The following MRPL3 variants were observed in gnomAD, a reference collection of about 807,000 sequenced individuals.
MRPL3 encodes large ribosomal subunit protein uL3m.
In MRPL3, 43 loss-of-function variants were observed where a neutral mutation model predicts 44.3. The observed-to-expected ratio is 0.97, with a 90% CI of 0.76 to 1.25. MRPL3 has a LOEUF of 1.25. Ranked by LOEUF, MRPL3 falls within the 50% of genes most tolerant of loss-of-function variation. The probability of loss-of-function intolerance (pLI) is 0.00; values close to 1 mark genes in which losing one functional copy is unlikely to be tolerated. For missense variants in MRPL3, 406 were observed against 427.6 expected (o/e 0.95, Z 0.45); for synonymous variants, 171 against 152.3 (o/e 1.12, Z -0.91).
chr3:131,489,783 T>A (rs1441675583), intron 5 of MRPL3, among the ~76,000 whole-genome samples, 198 bp downstream of exon 5: 3 of 149,024 alleles, frequency 2.0e-5, no homozygotes, highest in Non-Finnish European at 1.5e-5. Flanking sequence ...TGTTCCTCCC[T>A]CTCTCACAGA....
chr3:131,467,059 A>G (rs1273838987), intron 9 of MRPL3, among the ~76,000 whole-genome samples: 1 of 152,064 alleles, frequency 6.6e-6, no homozygotes, highest in African/African-American at 2.4e-5. Context: ...CAACTTTTAG[A>G]TTCTACATAA....
intron 6 of MRPL3, among the ~76,000 whole-genome samples, chr3:131,472,862 G>A (rs1933770506): frequency 6.6e-6 from 1 of 151,960 alleles, no homozygotes; most frequent in South Asian, 2.1e-4. Flanking sequence ...CTTAATAATG[G>A]AAGTGAAAGA....
At chr3:131,476,375 G>A (rs1379758770) in intron 6 of MRPL3, among the ~76,000 whole-genome samples, 1 of 151,990 alleles carries the variant, frequency 6.6e-6, no homozygotes, top group Non-Finnish European at 1.5e-5. Flanking sequence ...CTCAACTTGA[G>A]AACAAAAATA....
At chr3:131,502,619 C>T (rs1162410389) in intron 1 of MRPL3, 111 bp downstream of exon 1, 3 of 813,964 alleles carry the variant, frequency 3.7e-6, no homozygotes, top group Admixed American at 2.8e-5. Flanking sequence ...CTGTGTCCCA[C>T]GTCTCAACAG....
intron 6 of MRPL3, among the ~76,000 whole-genome samples, chr3:131,475,082 T>A (rs1353919890): frequency 4.6e-5 from 7 of 152,166 alleles, no homozygotes; most frequent in Admixed American, 3.3e-4. Flanking sequence ...ATGCCAGGCA[T>A]GTGACATATT....
intron 9 of MRPL3, among the ~76,000 whole-genome samples, chr3:131,466,119 A>C (rs193020408): frequency 6.6e-6 from 1 of 152,202 alleles, no homozygotes; most frequent in East Asian, 1.9e-4. Flanking sequence ...CAGTAAGTGA[A>C]GTGTCTCAGA....
intron 7 of MRPL3, 151 bp from the exon 8 acceptor site, chr3:131,469,924 T>C (rs545085129): frequency 2.2e-5 from 12 of 549,966 alleles, no homozygotes; most frequent in Non-Finnish European, 3.5e-5. Context: ...TAAATATGGA[T>C]TTAGGCATAT....
chr3:131,489,901 G>A, intron 5 of MRPL3, 80 bp downstream of exon 5: 1 of 791,500 alleles, frequency 1.3e-6, no homozygotes, highest in Non-Finnish European at 2.1e-6. Context: ...TTTAGATGTA[G>A]CTTTATTGAA....
chr3:131,487,419 G>A (rs1033704437), intron 6 of MRPL3: 5 of 333,284 alleles, frequency 1.5e-5, no homozygotes, highest in Non-Finnish European at 2.8e-5. Flanking sequence ...TGCACGTTGT[G>A]CACATGTACC....
At position 131,502,741 on chromosome 3, in the gene MRPL3, G is replaced by T. The variant is rs777785178; in HGVS notation, c.81C>A (p.Gly27=). Residue 27 remains glycine (G), a synonymous_variant, in exon 1 of 10, where the codon GGC becomes GGA. Transcript: ENST00000264995. ...RLGDGLGAAL[G]PGNRTHIWLF... ...TCACACCTTCCTACCTGTTCCCCGGGCCCAGGGCAGCACCCAGGCCGTCCC... is the reference window on the plus strand; with the variant it reads ...TCACACCTTCCTACCTGTTCCCCGGTCCCAGGGCAGCACCCAGGCCGTCCC... 14 of 1,610,268 alleles carry T rather than the reference G, an allele frequency of 8.7e-6. No individual in the cohort carries two copies. Among genetic ancestry groups the T allele is most frequent in the Non-Finnish European group, 1.2e-5 (14 of 1,177,938 alleles).
In MRPL3 at chr3:131,468,078, C is replaced by T; in HGVS notation, c.894+13G>A. 2 of 1,392,538 alleles carry T rather than the reference C, an allele frequency of 1.4e-6. No homozygotes were observed. Among genetic ancestry groups the T allele is most frequent in the Non-Finnish European group, 2.0e-6 (2 of 1,022,800 alleles). The allele number at this position is 1,392,538 out of a possible 1,614,324, so 86.3% of individuals were successfully genotyped here. ...AAAAAAAAAGGAAAAAAAAAGAAGA[C>T]ACTTATACTTACCTTTACTAAGCAA... On this transcript the variant is annotated intron_variant, in intron 9 of 9. Coordinates refer to ENST00000264995, the MANE Select transcript of MRPL3 (RefSeq NM_007208.4).
At chr3:131,465,543 T>C (rs76020673) in intron 9 of MRPL3, among the ~76,000 whole-genome samples, 67 of 152,280 alleles carry the variant, frequency 4.4e-4, no homozygotes, top group African/African-American at 9.9e-4. Context: ...CCTAGAATCA[T>C]GTATGTAGAA....
intron 5 of MRPL3, among the ~76,000 whole-genome samples, chr3:131,488,194 A>G (rs2110709252): frequency 6.6e-6 from 1 of 152,294 alleles, no homozygotes; most frequent in African/African-American, 2.4e-5. Flanking sequence ...TGATCATGGT[A>G]TGTATGACAT....
chr3:131,471,125 A>C, intron 7 of MRPL3, 46 bp downstream of exon 7: 1 of 1,324,604 alleles, frequency 7.5e-7, no homozygotes, highest in Non-Finnish European at 1.1e-6. Context: ...ACATGTGCAG[A>C]AGTTGAATAT....
chr3:131,471,454 T>G, intron 6 of MRPL3, 175 bp from the exon 7 acceptor site: 8 of 563,952 alleles, frequency 1.4e-5, no homozygotes, highest in East Asian at 5.9e-5. Flanking sequence ...CCTTTATCTC[T>G]GTCTTGGTCT....
intron 2 of MRPL3, among the ~76,000 whole-genome samples, chr3:131,501,277 G>C (rs78741858): frequency 2.1e-3 from 326 of 152,250 alleles, no homozygotes; most frequent in Non-Finnish European, 3.9e-3. Context: ...GTAAACAAGA[G>C]AATCTATGCA....
rs4854897 is a variant in MRPL3, at chr3:131,498,474, G to A, written c.370-197C>T. Among the ~76,000 whole-genome samples the A allele has an allele frequency of 0.55, 83,699 of 150,888 alleles. 24,636 individuals carry two copies. The highest frequency in any genetic ancestry group is 0.74 in the Middle Eastern group (213 of 288). ...AATACACACTTTGGGAGGCCGAGGCGGGCAGCTCATGAAGTCAGGAGATCG... is the reference window on the plus strand; with the variant it reads ...AATACACACTTTGGGAGGCCGAGGCAGGCAGCTCATGAAGTCAGGAGATCG... On this transcript the variant is annotated intron_variant, in intron 3 of 9. Transcript: ENST00000264995.
rs575828668 is a variant in MRPL3, at chr3:131,466,495, C to A, written c.894+1596G>T. ...TTTTATTAAAATGTATCTGAGCTAT[C>A]GGTACAAATTTTTTACTTTTTTCTT... On this transcript the variant is annotated intron_variant, in intron 9 of 9. Coordinates refer to ENST00000264995, the MANE Select transcript of MRPL3 (RefSeq NM_007208.4). 3.1e-3 allele frequency among the ~76,000 whole-genome samples: 468 copies of A among 151,936 alleles called. 4 individuals are homozygous for A. Among genetic ancestry groups the A allele is most frequent in the African/African-American group, 0.011 (446 of 41,456 alleles).
At position 131,501,637 on chromosome 3, in the gene MRPL3, A is replaced by C. The variant is rs1553719507; in HGVS notation, c.171T>G (p.Asn57Lys). 6.2e-7 allele frequency: 1 copy of C among 1,613,350 alleles called. No individual in the cohort carries two copies. The highest frequency in any genetic ancestry group is 8.5e-7 in the Non-Finnish European group (1 of 1,179,950). ...TWWDEHLSEE[N>K]VPFIKQLVSD... is the part of the protein sequence containing the mutation. ...AGACCAACTGCTTAATGAATGGGAC[A>C]TTTTCTTCAGAAAGATGCTCATCCC... Residue 57 changes from asparagine (N) to lysine (K), a missense_variant, in exon 2 of 10, where the codon AAT becomes AAG. Coordinates refer to ENST00000264995, the MANE Select transcript of MRPL3 (RefSeq NM_007208.4).
Sources: gnomAD v4.1 joint callset for allele counts (sites outside exome capture counted in the v4.1 genomes callset) on GRCh38, gnomAD v4.1.1 for gene constraint, MANE v1.5 for transcripts, NCBI Gene and HGNC (gene_info 2026-07-23, HGNC 2026-07-21) for gene names.